Variants in CDH13 observed in about 807,000 individuals in gnomAD.
The protein encoded by CDH13 is cadherin 13, also known as cadherin-13.
A neutral mutation model predicts 63.8 loss-of-function variants in CDH13; 24 were observed. The ratio of observed to expected loss-of-function variants is 0.38; its 90% CI spans 0.27 to 0.53. The LOEUF (loss-of-function observed/expected upper bound fraction) is 0.53, where lower values mean the gene tolerates loss of function less well. Ranked by LOEUF, CDH13 falls within the 20% of genes least tolerant of loss-of-function variation. The pLI, the probability that CDH13 is intolerant of heterozygous loss-of-function variation, is 0.85. For missense variants in CDH13, 1,049 were observed against 903.1 expected, an observed-to-expected ratio of 1.16 and a Z score of -2.07; for synonymous variants, 503 against 355.3, an observed-to-expected ratio of 1.42 and a Z score of -4.67.
chr16:83,539,009 C>T (rs964134807), intron 7 of CDH13, among the ~76,000 whole-genome samples: 3 of 152,162 alleles, frequency 2.0e-5, no homozygotes, highest in African/African-American at 2.4e-5. Flanking sequence ...TTTTATTAAA[C>T]CAAGATTCAT....
Position 82,637,428 on chromosome 16 carries a change from C to CTTTTTT in CDH13, c.45+10306_45+10311dup, listed in dbSNP as rs573088098. 8.5e-3 allele frequency among the ~76,000 whole-genome samples: 693 copies of CTTTTTT among 81,580 alleles called. 130 individuals are homozygous for CTTTTTT. Among genetic ancestry groups the CTTTTTT allele is most frequent in the African/African-American group, 0.025 (479 of 19,214 alleles). The allele number at this position is 81,580 out of a possible 152,430, so 53.5% of individuals were successfully genotyped here. The stretch of plus-strand genomic sequence containing the variant: ...GCTGAGGTCTGTACAGTTACTGTGC[C>CTTTTTT]TTTTTTTTTTTTTTTTTTTTGAGAC... On this transcript the variant is annotated intron_variant, in intron 1 of 13. Transcript: ENST00000567109.
intron 2 of CDH13, among the ~76,000 whole-genome samples, chr16:82,997,974 C>T (rs1186243552): frequency 1.3e-5 from 2 of 152,140 alleles, no homozygotes; most frequent in Admixed American, 1.3e-4. Context: ...TACTTAGAAA[C>T]TCTGTATAGA....
At chr16:82,723,704 CTT>C (rs2032923479) in intron 1 of CDH13, among the ~76,000 whole-genome samples, 1 of 152,136 alleles carries the variant, frequency 6.6e-6, no homozygotes, top group African/African-American at 2.4e-5. Flanking sequence ...AAAGATAAAT[CTT>C]TACAATGTTC....
chr16:82,858,464 A>C lies in CDH13; in HGVS notation c.148A>C (p.Ile50Leu), dbSNP rs368385910. Reference protein sequence around the residue: ...QPAEFIEDQSILNLTFSDCKG... With the variant: ...QPAEFIEDQSLLNLTFSDCKG... ...AGCTGAATTCATTGAGGACCAGTCA[A>C]TTCTAAACTGTAAGCAATGTCACTC... is the stretch of plus-strand genomic sequence containing the variant. The change falls in exon 2 of 14, where the codon ATT (isoleucine) becomes CTT (leucine). Residue 50 changes from isoleucine (I) to leucine (L), a missense_variant. Ile to Leu is a conservative substitution (Grantham distance 5). Transcript: ENST00000567109. 2.2e-5 allele frequency: 35 copies of C among 1,599,024 alleles called. No homozygotes were observed. Among genetic ancestry groups the C allele is most frequent in the Non-Finnish European group, 2.7e-5 (31 of 1,166,394 alleles).
chr16:83,646,297 T>C (rs1911786372), intron 8 of CDH13, among the ~76,000 whole-genome samples: 1 of 152,226 alleles, frequency 6.6e-6, no homozygotes, highest in Non-Finnish European at 1.5e-5. Flanking sequence ...GTGAGTAGCG[T>C]ACCCGGGTCA....
chr16:82,874,772 T>C (rs1010142680), intron 2 of CDH13, among the ~76,000 whole-genome samples: 4 of 152,292 alleles, frequency 2.6e-5, no homozygotes, highest in African/African-American at 9.6e-5. Context: ...GAAGGAAGTC[T>C]GTTGAATTGA....
At chr16:82,876,228 C>A (rs1229472447) in intron 2 of CDH13, among the ~76,000 whole-genome samples, 1 of 152,194 alleles carries the variant, frequency 6.6e-6, no homozygotes, top group East Asian at 1.9e-4. Context: ...AAAACTGTAA[C>A]CTCTGTGGTT....
chr16:82,948,175 C>A (rs1038292937), intron 2 of CDH13, among the ~76,000 whole-genome samples: 1 of 152,070 alleles, frequency 6.6e-6, no homozygotes, highest in South Asian at 2.1e-4. Context: ...CCAAAGCACC[C>A]GAGTAAGTTA....
At chr16:83,771,594 G>C (rs1373613367) in intron 11 of CDH13, among the ~76,000 whole-genome samples, 2 of 152,194 alleles carry the variant, frequency 1.3e-5, no homozygotes, top group African/African-American at 4.8e-5. Flanking sequence ...CAGTAACTCA[G>C]ATCCAAAGGA....
intron 10 of CDH13, among the ~76,000 whole-genome samples, chr16:83,687,342 A>G (rs1009604985): frequency 1.3e-5 from 2 of 152,234 alleles, no homozygotes; most frequent in African/African-American, 4.8e-5. Flanking sequence ...TATAGGAAGC[A>G]TGGCAGCATC....
intron 11 of CDH13, among the ~76,000 whole-genome samples, chr16:83,763,348 A>G (rs942629348): frequency 2.0e-5 from 3 of 152,224 alleles, no homozygotes; most frequent in Admixed American, 6.5e-5. Flanking sequence ...TGTAAGATAG[A>G]TGTTCCAATA....
intron 1 of CDH13, among the ~76,000 whole-genome samples, chr16:82,642,265 G>C (rs186700463): frequency 1.3e-5 from 2 of 152,234 alleles, no homozygotes; most frequent in East Asian, 3.9e-4. Context: ...TAACTCAGAG[G>C]TTAGACTATA....
chr16:82,891,413 T>C (rs373890325), intron 2 of CDH13, among the ~76,000 whole-genome samples: 1 of 152,204 alleles, frequency 6.6e-6, no homozygotes, highest in Admixed American at 6.5e-5. Context: ...TCAAGGGCTG[T>C]TTGTATTCCT....
intron 2 of CDH13, among the ~76,000 whole-genome samples, chr16:82,868,602 A>G (rs1479399070): frequency 2.6e-5 from 4 of 152,206 alleles, no homozygotes; most frequent in African/African-American, 9.7e-5. Flanking sequence ...GAACATGAAC[A>G]CAGGTGGAGT....
At position 83,615,116 on chromosome 16, in the gene CDH13, G is replaced by C. The variant is rs368623822; in HGVS notation, c.1101+12522G>C. Among the ~76,000 whole-genome samples the C allele has an allele frequency of 3.3e-5, 5 of 152,102 alleles. No homozygotes were observed. In the East Asian group the frequency reaches 5.8e-4, roughly 18 times the overall value. ...ACACACCTTTGTGCTTCCACCCTTT[G>C]CCAGAAGTCTAATTGAAGTAAATAT... On this transcript the variant is annotated intron_variant, in intron 8 of 13. Coordinates refer to ENST00000567109, the MANE Select transcript of CDH13 (RefSeq NM_001257.5).
intron 9 of CDH13, among the ~76,000 whole-genome samples, chr16:83,673,172 C>T (rs1488269157): frequency 6.6e-6 from 1 of 152,214 alleles, no homozygotes; most frequent in African/African-American, 2.4e-5. Context: ...TTAACTATCG[C>T]ACATCTACTG....
chr16:82,966,018 C>G (rs1355221059), intron 2 of CDH13, among the ~76,000 whole-genome samples: 1 of 152,210 alleles, frequency 6.6e-6, no homozygotes, highest in Non-Finnish European at 1.5e-5. Flanking sequence ...GACCAAGCGT[C>G]TTGGCTAGCC....
chr16:83,426,776 A>C (rs956794029), intron 6 of CDH13, among the ~76,000 whole-genome samples: 4 of 151,814 alleles, frequency 2.6e-5, no homozygotes, highest in Non-Finnish European at 5.9e-5. Context: ...TGTCCTACCA[A>C]ACTTAAACTT....
At chr16:82,830,175 T>A (rs1399539056) in intron 1 of CDH13, among the ~76,000 whole-genome samples, 1 of 152,178 alleles carries the variant, frequency 6.6e-6, no homozygotes, top group East Asian at 1.9e-4. Flanking sequence ...TGTCCACGTG[T>A]GAAACTTATA....
Sources: gnomAD v4.1 joint callset for allele counts (sites outside exome capture counted in the v4.1 genomes callset) on GRCh38, gnomAD v4.1.1 for gene constraint, MANE v1.5 for transcripts, NCBI Gene and HGNC (gene_info 2026-07-23, HGNC 2026-07-21) for gene names.